ABR: variants seen among roughly 807,000 people sequenced by gnomAD.
ABR encodes the protein active breakpoint cluster region-related protein.
A neutral mutation model predicts 107.2 loss-of-function variants in ABR; 35 were observed. The ratio of observed to expected loss-of-function variants is 0.33; its 90% CI spans 0.25 to 0.43. The LOEUF is 0.43. Ranked by LOEUF, ABR falls within the 20% of genes least tolerant of loss-of-function variation. The pLI, the probability that ABR is intolerant of heterozygous loss-of-function variation, is 1.00. For missense variants in ABR, 815 were observed against 1,115.2 expected (o/e 0.73, Z 3.83); for synonymous variants, 498 against 462.0 (o/e 1.08, Z -1.00).
chr17:1,059,488 G>A (rs1035713553), intron 10 of ABR, among the ~76,000 whole-genome samples: 2 of 152,184 alleles, frequency 1.3e-5, no homozygotes, highest in Admixed American at 6.5e-5. Flanking sequence ...GTACAACAGA[G>A]ACACCTGCTT....
At chr17:1,095,865 G>A (rs1269158726) in intron 3 of ABR, among the ~76,000 whole-genome samples, 2 of 152,314 alleles carry the variant, frequency 1.3e-5, no homozygotes, top group African/African-American at 2.4e-5. Flanking sequence ...CATGCCACCC[G>A]AGTCACTCGT....
intron 10 of ABR, among the ~76,000 whole-genome samples, chr17:1,061,135 G>T (rs1189344750): frequency 6.6e-6 from 1 of 152,224 alleles, no homozygotes; most frequent in East Asian, 1.9e-4. Context: ...ACTGGACAGG[G>T]ATATACATGA....
In ABR at chr17:1,051,209, G is replaced by A. The variant is rs139051998; in HGVS notation, c.1562-575C>T. 4.6e-5 allele frequency among the ~76,000 whole-genome samples: 7 copies of A among 152,082 alleles called. No homozygotes were observed. The highest frequency in any genetic ancestry group is 3.3e-4 in the Admixed American group (5 of 15,272). On this transcript the variant is annotated intron_variant, in intron 14 of 22. Transcript: ENST00000302538. The surrounding 1 kb of genome is among the most constrained non-coding windows in gnomAD (Gnocchi z 4.3). The stretch of plus-strand genomic sequence containing the variant: ...AGCCCAGGGTGCTGTGGTTTCCTCC[G>A]CTGCACTTAACATAAACCAAAGGGA...
rs115296129 is a variant in ABR at position 1,150,259 on chromosome 17, G to C, written c.62-24892C>G. On this transcript the variant is annotated intron_variant, in intron 1 of 22. Coordinates refer to ENST00000302538, the MANE Select transcript of ABR (RefSeq NM_021962.5). This position sits in a 1 kb window ranked among gnomAD's most constrained non-coding sequence, Gnocchi z 4.8. ...GCTCTTCATCTTGCTAAAGATAACA[G>C]AGCACTTGGCCAAGCCAGCGCGATG... Among the ~76,000 whole-genome samples the C allele has an allele frequency of 2.4e-3, 358 of 152,286 alleles. 2 individuals are homozygous for C. The highest frequency in any genetic ancestry group is 8.0e-3 in the African/African-American group (334 of 41,552).
intron 16 of ABR, among the ~76,000 whole-genome samples, chr17:1,024,174 C>T (rs2071978964): frequency 6.6e-6 from 1 of 152,184 alleles, no homozygotes; most frequent in African/African-American, 2.4e-5. Flanking sequence ...CCCAGGTCAG[C>T]TCTGAGCGGC....
intron 16 of ABR, among the ~76,000 whole-genome samples, chr17:1,016,561 C>A (rs1315207969): frequency 6.6e-6 from 1 of 152,044 alleles, no homozygotes; most frequent in East Asian, 1.9e-4. Flanking sequence ...GGCGATCCAC[C>A]TGCCTCGGCC....
At chr17:1,139,189 G>A (rs988864623) in intron 1 of ABR, among the ~76,000 whole-genome samples, 11 of 152,174 alleles carry the variant, frequency 7.2e-5, no homozygotes, top group Admixed American at 2.6e-4. Context: ...CTTAAACAGC[G>A]TTATCTTATA....
At chr17:1,218,896 A>C (rs1446436594) in intron 1 of ABR, among the ~76,000 whole-genome samples, 1 of 152,186 alleles carries the variant, frequency 6.6e-6, no homozygotes, top group African/African-American at 2.4e-5. Context: ...ATCCCCAAGG[A>C]AATCGCGTTT....
intron 1 of ABR, among the ~76,000 whole-genome samples, chr17:1,140,873 G>A (rs924779348): frequency 3.3e-5 from 5 of 151,834 alleles, no homozygotes; most frequent in African/African-American, 9.7e-5. Context: ...GTGAGCCACC[G>A]CGCCCGGCCA....
At position 1,051,902 on chromosome 17, in the gene ABR, C is replaced by G. The variant is rs993132176; in HGVS notation, c.1562-1268G>C. On this transcript the variant is annotated intron_variant, in intron 14 of 22. Transcript: ENST00000302538. This position sits in a 1 kb window ranked among gnomAD's most constrained non-coding sequence, Gnocchi z 4.3. ...CAGCCTGACCAACATGGTGAAACCC[C>G]ATCTCTACTAAAAATACAAAAGTGA... is the stretch of plus-strand genomic sequence containing the variant. 6.6e-6 allele frequency among the ~76,000 whole-genome samples: 1 copy of G among 152,040 alleles called. No homozygotes were observed. The highest frequency in any genetic ancestry group is 6.6e-5 in the Admixed American group (1 of 15,260).
At chr17:1,195,034 G>A (rs1161631223) in intron 1 of ABR, among the ~76,000 whole-genome samples, 3 of 147,260 alleles carry the variant, frequency 2.0e-5, no homozygotes, top group African/African-American at 7.4e-5. Flanking sequence ...CAGGCCAGGC[G>A]CGGTGGCTCA....
chr17:1,227,897 T>A (rs951698170), intron 1 of ABR, among the ~76,000 whole-genome samples: 1 of 152,196 alleles, frequency 6.6e-6, no homozygotes, highest in Non-Finnish European at 1.5e-5. Context: ...CATTATGCGT[T>A]GAGCTTTGAC....
intron 1 of ABR, among the ~76,000 whole-genome samples, chr17:1,139,157 C>T (rs1484197725): frequency 1.3e-5 from 2 of 152,128 alleles, no homozygotes; most frequent in African/African-American, 4.8e-5. Context: ...GTGTGTGGAG[C>T]CCATTTCTTT....
At chr17:1,159,463 G>T (rs2041186030) in intron 1 of ABR, among the ~76,000 whole-genome samples, 1 of 89,602 alleles carries the variant, frequency 1.1e-5, no homozygotes, top group African/African-American at 4.3e-5. Flanking sequence ...CACAAGGGAA[G>T]TAAGAATGCA....
intron 1 of ABR, among the ~76,000 whole-genome samples, chr17:1,128,443 G>A (rs1441920432): frequency 3.9e-5 from 6 of 152,250 alleles, no homozygotes; most frequent in East Asian, 1.9e-4. Flanking sequence ...TACTGTATTC[G>A]GAGCGGCAGT....
In ABR at chr17:1,070,362, G is replaced by A. The variant is rs1004517794; in HGVS notation, c.895-272C>T. Among the ~76,000 whole-genome samples the A allele has an allele frequency of 6.6e-6, 1 of 152,158 alleles. No homozygotes were observed. Among genetic ancestry groups the A allele is most frequent in the Non-Finnish European group, 1.5e-5 (1 of 68,028 alleles). ...CTGTTAAGTGCGGACAGTGAGGTCT[G>A]CCTCATAAGGTGACTCATCGAGATG... On this transcript the variant is annotated intron_variant, in intron 8 of 22. Coordinates refer to ENST00000302538, the MANE Select transcript of ABR (RefSeq NM_021962.5). This position sits in a 1 kb window ranked among gnomAD's most constrained non-coding sequence, Gnocchi z 4.2.
chr17:1,024,872 C>A (rs1297776994), intron 16 of ABR, among the ~76,000 whole-genome samples: 1 of 151,862 alleles, frequency 6.6e-6, no homozygotes, highest in East Asian at 1.9e-4. Flanking sequence ...GTAATCTCAG[C>A]ACTTTGGGAA....
At chr17:1,153,099 C>T (rs1434731248) in intron 1 of ABR, among the ~76,000 whole-genome samples, 1 of 152,208 alleles carries the variant, frequency 6.6e-6, no homozygotes, top group African/African-American at 2.4e-5. Context: ...ACAGCCTGGG[C>T]AGGTTTAATC....
intron 1 of ABR, among the ~76,000 whole-genome samples, chr17:1,126,735 C>T (rs2039620175): frequency 6.6e-6 from 1 of 152,230 alleles, no homozygotes; most frequent in Non-Finnish European, 1.5e-5. Flanking sequence ...CTCCCCATGG[C>T]ACCTGGCCCC....
Sources: allele counts gnomAD v4.1 joint callset (sites outside exome capture counted in the v4.1 genomes callset), GRCh38; gene constraint gnomAD v4.1.1; non-coding constraint Gnocchi (gnomAD v3.1); transcripts MANE v1.5; gene names NCBI Gene and HGNC (gene_info 2026-07-23, HGNC 2026-07-21).